PCDH9: variants seen among roughly 807,000 people sequenced by gnomAD.
The protein encoded by PCDH9 is protocadherin 9.
A neutral mutation model predicts 70.6 loss-of-function variants in PCDH9; 24 were observed. The ratio of observed to expected loss-of-function variants is 0.34; its 90% CI spans 0.25 to 0.48. PCDH9 has a LOEUF of 0.48. Among genes scored for constraint, PCDH9 ranks in the 20% least tolerant of loss-of-function variants. The pLI, the probability that PCDH9 is intolerant of heterozygous loss-of-function variation, is 0.99. For missense variants in PCDH9, 1,281 were observed against 1,503.6 expected (o/e 0.85, Z 2.45); for synonymous variants, 562 against 558.5 (o/e 1.01, Z -0.09).
intron 4 of PCDH9, among the ~76,000 whole-genome samples, chr13:66,563,898 T>G (rs1338091702): frequency 2.0e-5 from 3 of 152,144 alleles, no homozygotes; most frequent in African/African-American, 7.2e-5. Flanking sequence ...TTTTTGTAAC[T>G]GAAATATTGT....
intron 2 of PCDH9, among the ~76,000 whole-genome samples, chr13:67,014,284 G>A (rs1452928435): frequency 1.3e-5 from 2 of 152,050 alleles, no homozygotes; most frequent in African/African-American, 4.8e-5. Context: ...CAAAGAACTA[G>A]CAATATGTAG....
chr13:66,422,743 G>T (rs958356472), intron 4 of PCDH9, among the ~76,000 whole-genome samples: 7 of 151,966 alleles, frequency 4.6e-5, no homozygotes, highest in Non-Finnish European at 8.8e-5. Flanking sequence ...ACAACTAAAA[G>T]AACTAGAGAA....
chr13:66,449,941 A>G (rs540883588), intron 4 of PCDH9, among the ~76,000 whole-genome samples: 10 of 152,306 alleles, frequency 6.6e-5, no homozygotes, highest in African/African-American at 2.4e-4. Flanking sequence ...TATTTTATCA[A>G]TTATACTTCA....
At chr13:66,562,325 G>T (rs2076585552) in intron 4 of PCDH9, among the ~76,000 whole-genome samples, 1 of 152,020 alleles carries the variant, frequency 6.6e-6, no homozygotes, top group Admixed American at 6.6e-5. Context: ...TAAACCTTTA[G>T]AGCTCCTAGT....
intron 2 of PCDH9, among the ~76,000 whole-genome samples, chr13:67,051,355 A>C (rs2085318299): frequency 6.6e-6 from 1 of 150,784 alleles, no homozygotes; most frequent in South Asian, 2.1e-4. Context: ...AATTCAAAAA[A>C]GCGAAATACC....
At chr13:67,112,227 T>G (rs1309444222) in intron 2 of PCDH9, among the ~76,000 whole-genome samples, 1 of 152,226 alleles carries the variant, frequency 6.6e-6, no homozygotes, top group African/African-American at 2.4e-5. Context: ...ATCTCTATTA[T>G]TAAACTGACT....
At chr13:66,426,460 C>T (rs1957672190) in intron 4 of PCDH9, among the ~76,000 whole-genome samples, 1 of 150,456 alleles carries the variant, frequency 6.6e-6, no homozygotes, top group Admixed American at 6.6e-5. Flanking sequence ...ATTTCCCAGA[C>T]TATTATTTGA....
chr13:67,054,343 C>T (rs2085378587), intron 2 of PCDH9, among the ~76,000 whole-genome samples: 1 of 152,166 alleles, frequency 6.6e-6, no homozygotes, highest in African/African-American at 2.4e-5. Context: ...CACACACCCA[C>T]AGACAAGCAG....
In PCDH9 at chr13:66,476,982, G is replaced by C. The variant is rs80303341; in HGVS notation, c.3340+154228C>G. Among the ~76,000 whole-genome samples the C allele has an allele frequency of 4.5e-3, 687 of 152,060 alleles. 25 individuals are homozygous for C. The East Asian group carries it at 0.088, about 19-fold the overall frequency. On this transcript the variant is annotated intron_variant, in intron 4 of 4. Coordinates refer to ENST00000377865, the MANE Select transcript of PCDH9 (RefSeq NM_203487.3). ...AATTCATTTTTGTTAACTCTCCTAA[G>C]TTTTTATTCAATGATATGAGTTATA...
intron 2 of PCDH9, among the ~76,000 whole-genome samples, chr13:67,054,636 T>C (rs1279975919): frequency 6.6e-6 from 1 of 152,144 alleles, no homozygotes; most frequent in African/African-American, 2.4e-5. Context: ...AGAAAAGAAA[T>C]ATATTGCAAT....
chr13:66,334,346 A>C (rs911956348), intron 4 of PCDH9, among the ~76,000 whole-genome samples: 4 of 152,136 alleles, frequency 2.6e-5, no homozygotes, highest in Admixed American at 6.5e-5. Context: ...ATGTTGCTGC[A>C]AATGACAGGA....
intron 3 of PCDH9, among the ~76,000 whole-genome samples, chr13:66,873,000 A>G (rs1373824259): frequency 6.6e-6 from 1 of 152,170 alleles, no homozygotes; most frequent in Non-Finnish European, 1.5e-5. Flanking sequence ...TTAATTTATA[A>G]GTCTAAAACT....
intron 3 of PCDH9, among the ~76,000 whole-genome samples, chr13:66,651,550 C>A (rs569607262): frequency 6.6e-6 from 1 of 152,050 alleles, no homozygotes; most frequent in South Asian, 2.1e-4. Flanking sequence ...GCCTAAGACC[C>A]AATGATTTCA....
chr13:67,028,677 CT>C (rs904035257), intron 2 of PCDH9, among the ~76,000 whole-genome samples: 99 of 151,892 alleles, frequency 6.5e-4, no homozygotes, highest in African/African-American at 2.4e-3. Context: ...AATTTGTAAA[CT>C]TTTTTTTGTC....
intron 2 of PCDH9, among the ~76,000 whole-genome samples, chr13:67,056,164 A>G (rs2138111227): frequency 6.6e-6 from 1 of 152,304 alleles, no homozygotes; most frequent in African/African-American, 2.4e-5. Context: ...TGGTTAATGT[A>G]CTAAATGAGG....
intron 4 of PCDH9, among the ~76,000 whole-genome samples, chr13:66,535,132 T>C (rs1960642486): frequency 6.6e-6 from 1 of 151,936 alleles, no homozygotes; most frequent in Admixed American, 6.6e-5. Flanking sequence ...TTAATAAAAA[T>C]GATAATAATA....
In PCDH9 at chr13:66,773,069, T is replaced by G. The variant is rs547830763; in HGVS notation, c.3138+130435A>C. ...TGGAATTTTACTTTTTATAATAATA[T>G]GATGTATCCATTCAACTACGTGACC... On this transcript the variant is annotated intron_variant, in intron 3 of 4. Coordinates refer to ENST00000377865, the MANE Select transcript of PCDH9 (RefSeq NM_203487.3). Among the ~76,000 whole-genome samples the G allele has an allele frequency of 2.8e-3, 419 of 152,338 alleles. 2 individuals are homozygous for G. Among genetic ancestry groups the G allele is most frequent in the African/African-American group, 9.7e-3 (402 of 41,576 alleles).
intron 4 of PCDH9, among the ~76,000 whole-genome samples, chr13:66,553,006 A>G (rs1380787711): frequency 6.6e-6 from 1 of 152,050 alleles, no homozygotes; most frequent in Non-Finnish European, 1.5e-5. Flanking sequence ...TCTTGTGAGA[A>G]CTCGCTATCA....
Position 67,174,369 on chromosome 13 carries a change from T to A in PCDH9, c.3036+51036A>T, listed in dbSNP as rs75248868. ...TACAGACGAAGGGAGGGAAGAAAAA[T>A]TTATCGCTTATTAAAATGCTCCTGT... On this transcript the variant is annotated intron_variant, in intron 2 of 4. Transcript: ENST00000377865. 8.7e-4 allele frequency among the ~76,000 whole-genome samples: 131 copies of A among 150,782 alleles called. No homozygotes were observed. The East Asian group carries it at 0.02, about 23-fold the overall frequency.
Sources: gnomAD v4.1 joint callset for allele counts (sites outside exome capture counted in the v4.1 genomes callset) on GRCh38, gnomAD v4.1.1 for gene constraint, MANE v1.5 for transcripts, NCBI Gene and HGNC (gene_info 2026-07-23, HGNC 2026-07-21) for gene names.